The following GALNT13 variants were observed in gnomAD, a reference collection of about 807,000 sequenced individuals.
GALNT13 encodes UDP-GalNAc:polypeptide N-acetylgalactosaminyltransferase 13.
In GALNT13, 28 loss-of-function variants were observed where a neutral mutation model predicts 64.2. The ratio of observed to expected loss-of-function variants is 0.44; its 90% CI spans 0.32 to 0.60. GALNT13 has a LOEUF of 0.60. Among genes scored for constraint, GALNT13 ranks in the 20% least tolerant of loss-of-function variants. GALNT13 has a pLI of 0.05. For missense variants in GALNT13, 577 were observed against 669.8 expected (o/e 0.86, Z 1.53); for synonymous variants, 214 against 224.6 (o/e 0.95, Z 0.42).
chr2:154,219,805 G>A (rs906828591), intron 4 of GALNT13, among the ~76,000 whole-genome samples: 1 of 152,102 alleles, frequency 6.6e-6, no homozygotes, highest in Non-Finnish European at 1.5e-5. Context: ...CACCTGGGAA[G>A]TGATCATTCC....
chr2:153,680,734 C>T, the GALNT13 span, among the ~76,000 whole-genome samples: 1 of 151,880 alleles, frequency 6.6e-6, no homozygotes, highest in East Asian at 1.9e-4. Flanking sequence ...ATATGGCCCA[C>T]ATTCAGTATG....
intron 3 of GALNT13, among the ~76,000 whole-genome samples, chr2:154,007,380 G>A (rs536437691): frequency 1.2e-4 from 19 of 152,144 alleles, no homozygotes; most frequent in African/African-American, 4.1e-4. Context: ...TGAGCTGATG[G>A]CATTGATAAA....
At chr2:154,373,326 T>G (rs1303277190) in intron 9 of GALNT13, among the ~76,000 whole-genome samples, 1 of 152,170 alleles carries the variant, frequency 6.6e-6, no homozygotes, top group Non-Finnish European at 1.5e-5. Context: ...GTATTACATA[T>G]ATGTACTTGT....
chr2:154,084,575 C>T (rs182172941), intron 3 of GALNT13, among the ~76,000 whole-genome samples: 1 of 151,908 alleles, frequency 6.6e-6, no homozygotes, highest in East Asian at 1.9e-4. Flanking sequence ...TTTCACTTGC[C>T]TCTATTACAA....
intron 3 of GALNT13, among the ~76,000 whole-genome samples, chr2:154,057,916 A>G (rs1384959180): frequency 6.6e-6 from 1 of 152,182 alleles, no homozygotes; most frequent in African/African-American, 2.4e-5. Flanking sequence ...TTTGTTAAAT[A>G]TATTAATTTA....
At chr2:153,602,648 C>A in the GALNT13 span, among the ~76,000 whole-genome samples, 1 of 151,640 alleles carries the variant, frequency 6.6e-6, no homozygotes, top group Non-Finnish European at 1.5e-5. Context: ...CTGAAGTGAG[C>A]AAAGGGAGAG....
chr2:153,746,907 C>G, the GALNT13 span, among the ~76,000 whole-genome samples: 7 of 151,972 alleles, frequency 4.6e-5, no homozygotes, highest in African/African-American at 1.7e-4. Context: ...AATATTTGCT[C>G]AAGGCTTTTG....
At chr2:154,229,835 T>C (rs1688821489) in intron 4 of GALNT13, among the ~76,000 whole-genome samples, 1 of 152,094 alleles carries the variant, frequency 6.6e-6, no homozygotes, top group Admixed American at 6.6e-5. Flanking sequence ...AAAGATAACA[T>C]GAGGTGAAGC....
intron 9 of GALNT13, among the ~76,000 whole-genome samples, chr2:154,366,975 A>C (rs531463518): frequency 9.9e-4 from 151 of 152,296 alleles, no homozygotes; most frequent in African/African-American, 3.6e-3. Context: ...AATACCATGG[A>C]ATACTCTCCC....
At chr2:154,187,261 C>T (rs1462130589) in intron 4 of GALNT13, among the ~76,000 whole-genome samples, 1 of 151,784 alleles carries the variant, frequency 6.6e-6, no homozygotes, top group Non-Finnish European at 1.5e-5. Context: ...CACATAAATG[C>T]ACTTTTAAAA....
the GALNT13 span, among the ~76,000 whole-genome samples, chr2:153,814,757 G>C: frequency 6.6e-6 from 1 of 152,140 alleles, no homozygotes; most frequent in South Asian, 2.1e-4. Flanking sequence ...CCGTTTCAAC[G>C]ATCTTCCAAC....
the GALNT13 span, among the ~76,000 whole-genome samples, chr2:153,692,361 A>G: frequency 6.6e-6 from 1 of 152,204 alleles, no homozygotes; most frequent in Non-Finnish European, 1.5e-5. Flanking sequence ...TATAATTTAA[A>G]AAAACAATAA....
the GALNT13 span, among the ~76,000 whole-genome samples, chr2:153,529,682 C>T: frequency 6.6e-6 from 1 of 151,824 alleles, no homozygotes; most frequent in African/African-American, 2.4e-5. Context: ...CCAAATTCAA[C>T]GGTATGTGGA....
At chr2:153,340,178 T>C in the GALNT13 span, among the ~76,000 whole-genome samples, 1 of 152,218 alleles carries the variant, frequency 6.6e-6, no homozygotes, top group Non-Finnish European at 1.5e-5. Context: ...TAGAAATTAC[T>C]TTGGGTAGTA....
chr2:153,317,420 G>T, the GALNT13 span, among the ~76,000 whole-genome samples: 1 of 152,076 alleles, frequency 6.6e-6, no homozygotes, highest in Non-Finnish European at 1.5e-5. Context: ...AGTGTAAGGA[G>T]AATCTTTAAT....
the GALNT13 span, among the ~76,000 whole-genome samples, chr2:153,289,396 G>A: frequency 1.3e-5 from 2 of 152,290 alleles, no homozygotes; most frequent in South Asian, 4.1e-4. Flanking sequence ...TATAATTTAA[G>A]CTTCACTGCA....
At chr2:154,079,701 A>G (rs1305327246) in intron 3 of GALNT13, among the ~76,000 whole-genome samples, 2 of 151,530 alleles carry the variant, frequency 1.3e-5, no homozygotes, top group Non-Finnish European at 3.0e-5. Flanking sequence ...GTGATTACGA[A>G]GTTGCTTGCA....
chr2:154,363,824 G>C (rs920260973), intron 9 of GALNT13, among the ~76,000 whole-genome samples: 1 of 152,130 alleles, frequency 6.6e-6, no homozygotes, highest in Admixed American at 6.6e-5. Context: ...TCACCCAAGT[G>C]CTTTATCCCA....
chr2:154,017,306 T>G (rs1558909986), intron 3 of GALNT13, among the ~76,000 whole-genome samples: 1 of 152,164 alleles, frequency 6.6e-6, no homozygotes, highest in African/African-American at 2.4e-5. Context: ...TAAAATCATA[T>G]CCACATATAA....
Sources: gnomAD v4.1 joint callset for allele counts (sites outside exome capture counted in the v4.1 genomes callset) on GRCh38, gnomAD v4.1.1 for gene constraint, MANE v1.5 for transcripts, NCBI Gene and HGNC (gene_info 2026-07-23, HGNC 2026-07-21) for gene names.